WDFY3: variants seen among roughly 807,000 people sequenced by gnomAD.
The protein encoded by WDFY3 is WD repeat and FYVE domain-containing protein 3.
WDFY3 carries 66 observed loss-of-function variants against 409.6 expected under a neutral mutation model. The ratio of observed to expected loss-of-function variants is 0.16; its 90% confidence interval spans 0.13 to 0.20. The LOEUF is 0.20. Among genes scored for constraint, WDFY3 ranks in the 10% least tolerant of loss-of-function variants. The pLI, the probability that WDFY3 is intolerant of heterozygous loss-of-function variation, is 1.00. For synonymous variants in WDFY3, 1,521 were observed against 1,537.1 expected (o/e 0.99, Z 0.25); for missense variants, 3,031 against 4,298.1 (o/e 0.71, Z 8.24).
chr4:84,912,288 T>G (rs1313871313), intron 2 of WDFY3, among the ~76,000 whole-genome samples: 1 of 152,182 alleles, frequency 6.6e-6, no homozygotes, highest in African/African-American at 2.4e-5. Flanking sequence ...TGCCGACTAT[T>G]TCAAGAAAAA....
chr4:84,843,482 T>A (rs946197150), intron 5 of WDFY3, among the ~76,000 whole-genome samples: 20 of 152,070 alleles, frequency 1.3e-4, no homozygotes, highest in African/African-American at 3.4e-4. Flanking sequence ...GCAGCCTCAA[T>A]CTCCTCAACT....
chr4:84,794,816 A>C (rs1277315555), intron 20 of WDFY3, 63 bp downstream of exon 20: 1 of 1,516,418 alleles, frequency 6.6e-7, no homozygotes, highest in East Asian at 2.4e-5. Flanking sequence ...AAGCAAATAA[A>C]CTCTAAATTA....
At chr4:84,946,683 C>T (rs1420005669) in intron 1 of WDFY3, among the ~76,000 whole-genome samples, 1 of 152,170 alleles carries the variant, frequency 6.6e-6, no homozygotes, top group Non-Finnish European at 1.5e-5. Flanking sequence ...TTGACTTCCC[C>T]TTCTTTGGGA....
At chr4:84,887,296 A>G (rs770294733) in intron 3 of WDFY3, among the ~76,000 whole-genome samples, 3 of 152,192 alleles carry the variant, frequency 2.0e-5, no homozygotes, top group Admixed American at 6.6e-5. Context: ...GTGTTAGGAA[A>G]GAGAAGCACA....
chr4:84,896,395 C>T (rs1330131889), intron 3 of WDFY3, among the ~76,000 whole-genome samples: 1 of 152,012 alleles, frequency 6.6e-6, no homozygotes, highest in African/African-American at 2.4e-5. Flanking sequence ...TACCAAGTAA[C>T]AAGCAGAGAC....
rs1171179822 is a variant in WDFY3, at chr4:84,817,510, A to G, written c.1769T>C (p.Leu590Ser). 6.2e-7 allele frequency: 1 copy of G among 1,613,830 alleles called. No homozygotes were observed. Among genetic ancestry groups the G allele is most frequent in the East Asian group, 2.2e-5 (1 of 44,872 alleles). ...VKYPQCRQHA[L>S]MTIQQLVLSP... ...GAGCACCAGCTGTTGGATAGTCATC[A>G]AGGCATGCTGCCGGCATTGAGGGTA... is the stretch of plus-strand genomic sequence containing the variant. Residue 590 changes from leucine to serine, a missense_variant, in exon 13 of 68, where the codon TTG becomes TCG. Coordinates refer to ENST00000295888, the MANE Select transcript of WDFY3 (RefSeq NM_014991.6).
intron 4 of WDFY3, among the ~76,000 whole-genome samples, chr4:84,857,674 T>A (rs1415701161): frequency 3.3e-5 from 5 of 152,232 alleles, no homozygotes; most frequent in Non-Finnish European, 5.9e-5. Flanking sequence ...CTCTCCCATT[T>A]TTAAAAGAGC....
At chr4:84,808,027 A>G (rs1751810682) in intron 15 of WDFY3, among the ~76,000 whole-genome samples, 1 of 152,276 alleles carries the variant, frequency 6.6e-6, no homozygotes, top group South Asian at 2.1e-4. Flanking sequence ...CACATTTCTA[A>G]CTTATTTTTA....
chr4:84,810,388 CAAA>C (rs377016613), intron 13 of WDFY3, 44 bp from the exon 14 acceptor site: 334 of 838,176 alleles, frequency 4.0e-4, no homozygotes, highest in Non-Finnish European at 4.4e-4. Context: ...ACACATAATT[CAAA>C]AAAAAAAAAA....
chr4:84,733,264 T>C, intron 44 of WDFY3, 118 bp downstream of exon 44: 2 of 1,094,926 alleles, frequency 1.8e-6, no homozygotes, highest in Admixed American at 4.5e-5. Flanking sequence ...TTTAATAGCG[T>C]ATGTTGAATT....
intron 44 of WDFY3, 111 bp downstream of exon 44, chr4:84,733,271 A>G: frequency 8.1e-7 from 1 of 1,237,940 alleles, no homozygotes; most frequent in East Asian, 2.3e-5. Flanking sequence ...GCGTATGTTG[A>G]ATTTTTAAAA....
intron 24 of WDFY3, 90 bp from the exon 25 acceptor site, chr4:84,783,164 A>T: frequency 8.5e-7 from 1 of 1,170,378 alleles, no homozygotes. Flanking sequence ...GAATGGTAAC[A>T]TATCTTTTCT....
chr4:84,876,850 T>C lies in WDFY3; in HGVS notation c.-31-16228A>G, dbSNP rs567520377. On this transcript the variant is annotated intron_variant, in intron 3 of 67. Coordinates refer to ENST00000295888, the MANE Select transcript of WDFY3 (RefSeq NM_014991.6). ...GCTTACAATTTACGTATCCTAGTTCTCATCCTAAAGAAAGCTTTTGCAGGA... is the reference window on the plus strand; with the variant it reads ...GCTTACAATTTACGTATCCTAGTTCCCATCCTAAAGAAAGCTTTTGCAGGA... Among the ~76,000 whole-genome samples, 36 of 152,336 alleles carry C rather than the reference T, an allele frequency of 2.4e-4. 1 individual carries two copies. The South Asian group carries it at 7.0e-3, about 30-fold the overall frequency.
intron 1 of WDFY3, among the ~76,000 whole-genome samples, chr4:84,933,707 ACTCTATT>A (rs1328933071): frequency 3.3e-5 from 5 of 151,422 alleles, no homozygotes; most frequent in Middle Eastern, 3.4e-3. Context: ...GGTAACCATC[ACTCTATT>A]CTCTATTTAT....
chr4:84,686,734 G>A (rs938427850), intron 62 of WDFY3, among the ~76,000 whole-genome samples: 2 of 152,108 alleles, frequency 1.3e-5, no homozygotes, highest in African/African-American at 4.8e-5. Flanking sequence ...CTCCCAAGAC[G>A]GATTTGTATA....
chr4:84,833,732 A>T (rs1400994368), intron 7 of WDFY3, among the ~76,000 whole-genome samples: 1 of 152,134 alleles, frequency 6.6e-6, no homozygotes, highest in African/African-American at 2.4e-5. Flanking sequence ...AGAACAGAAG[A>T]GAACAGAAGA....
chr4:84,943,166 AT>A (rs1772361531), intron 1 of WDFY3, among the ~76,000 whole-genome samples: 2 of 152,158 alleles, frequency 1.3e-5, no homozygotes, highest in South Asian at 4.2e-4. Context: ...CTTCCTTATG[AT>A]TTTCTTAATG....
chr4:84,913,395 T>A (rs1768045742), intron 2 of WDFY3, among the ~76,000 whole-genome samples: 1 of 152,272 alleles, frequency 6.6e-6, no homozygotes, highest in Admixed American at 6.5e-5. Flanking sequence ...TTTCGTAAGA[T>A]GTATGATAGA....
intron 7 of WDFY3, among the ~76,000 whole-genome samples, chr4:84,833,406 T>C (rs1756047994): frequency 1.3e-5 from 2 of 152,170 alleles, no homozygotes; most frequent in African/African-American, 2.4e-5. Flanking sequence ...CCAGGTGTGG[T>C]GGCTCATGCC....
Sources: gnomAD v4.1 joint callset for allele counts (sites outside exome capture counted in the v4.1 genomes callset) on GRCh38, gnomAD v4.1.1 for gene constraint, MANE v1.5 for transcripts, NCBI Gene and HGNC (gene_info 2026-07-23, HGNC 2026-07-21) for gene names.